ZNF334: variants seen among roughly 807,000 people sequenced by gnomAD.
The protein encoded by ZNF334 is zinc finger protein 334.
In ZNF334, 14 loss-of-function variants were observed where a neutral mutation model predicts 12.4. That is an observed-to-expected ratio of 1.13 (90% CI 0.74 to 1.76). The LOEUF is 1.76. Ranked by LOEUF, ZNF334 falls within the 40% of genes most tolerant of loss-of-function variation. The pLI is 0.00. For missense variants in ZNF334, 797 were observed against 804.5 expected (o/e 0.99, Z 0.11); for synonymous variants, 273 against 269.6 (o/e 1.01, Z -0.12).
At position 46,501,385 on chromosome 20, in the gene ZNF334, CTGTG is replaced by C. The variant is rs750194656; in HGVS notation, c.1950_1953del (p.His650GlnfsTer53). The C allele has an allele frequency of 1.8e-4, 294 of 1,614,122 alleles. 1 individual carries two copies. In the South Asian group the frequency reaches 1.8e-3, roughly 10 times the overall value. ...TTGTTACATTCATAAGGTTTCTCTC[CTGTG>C]TGTATTTTCTGATGTTCAGTGAGAG... On this transcript the variant is annotated frameshift_variant, in exon 5 of 5. Transcript: ENST00000692313. LOFTEE classifies it low-confidence loss of function (END_TRUNC).
chr20:46,483,079 T>A, the ZNF334 span, among the ~76,000 whole-genome samples: 1 of 152,186 alleles, frequency 6.6e-6, no homozygotes, highest in Non-Finnish European at 1.5e-5. Context: ...CACAAATCAG[T>A]GTGATTGATG....
the ZNF334 span, among the ~76,000 whole-genome samples, chr20:46,488,419 T>TTTTATATATATATA: frequency 9.8e-6 from 1 of 102,238 alleles, no homozygotes. Context: ...AGCTCTTATT[T>TTTTATATATATATA]TATATATATA....
the ZNF334 span, among the ~76,000 whole-genome samples, chr20:46,475,778 A>G: frequency 5.9e-5 from 9 of 152,204 alleles, no homozygotes; most frequent in Non-Finnish European, 1.3e-4. Context: ...ACACCACTAC[A>G]TGCTGGCCAG....
chr20:46,499,301 A>G (rs945685831), downstream of ZNF334, among the ~76,000 whole-genome samples: 2 of 151,988 alleles, frequency 1.3e-5, no homozygotes, highest in Non-Finnish European at 2.9e-5. Context: ...AGCCCTGCCA[A>G]CACCCCAACC....
chr20:46,509,307 G>C (rs979156304), intron 2 of ZNF334, among the ~76,000 whole-genome samples: 1 of 152,152 alleles, frequency 6.6e-6, no homozygotes, highest in Non-Finnish European at 1.5e-5. Flanking sequence ...CTAGAAAACA[G>C]ATCCTAAGGC....
the ZNF334 span, among the ~76,000 whole-genome samples, chr20:46,469,404 T>G: frequency 1.3e-5 from 2 of 150,256 alleles, no homozygotes; most frequent in Non-Finnish European, 3.0e-5. Flanking sequence ...AGTCTCGCTC[T>G]GTCGCCCAGG....
downstream of ZNF334, among the ~76,000 whole-genome samples, chr20:46,497,009 G>GT (rs2061036034): frequency 6.6e-6 from 1 of 152,186 alleles, no homozygotes; most frequent in Non-Finnish European, 1.5e-5. Flanking sequence ...CAGCCTTCCC[G>GT]TAATAGCCTG....
the ZNF334 span, among the ~76,000 whole-genome samples, chr20:46,465,689 C>T: frequency 6.6e-6 from 1 of 151,948 alleles, no homozygotes; most frequent in African/African-American, 2.4e-5. Flanking sequence ...CGTGCCACTG[C>T]ACTCCAGCCT....
the ZNF334 span, among the ~76,000 whole-genome samples, chr20:46,468,593 C>T: frequency 6.6e-6 from 1 of 152,094 alleles, no homozygotes; most frequent in Non-Finnish European, 1.5e-5. Flanking sequence ...CCTATACCCA[C>T]TTTTAAATAT....
At chr20:46,504,866 G>T in intron 2 of ZNF334, 126 bp from the exon 3 acceptor site, 1 of 777,810 alleles carries the variant, frequency 1.3e-6, no homozygotes, top group Non-Finnish European at 1.9e-6. Context: ...TTGTGGGAGG[G>T]CAGAAAATTA....
At chr20:46,468,172 G>A in the ZNF334 span, among the ~76,000 whole-genome samples, 130 of 152,308 alleles carry the variant, frequency 8.5e-4, no homozygotes, top group African/African-American at 1.9e-3. Flanking sequence ...CTGAGGCGGC[G>A]GTGCACGACA....
chr20:46,469,083 C>CT, the ZNF334 span, among the ~76,000 whole-genome samples: 7 of 152,068 alleles, frequency 4.6e-5, no homozygotes, highest in African/African-American at 9.7e-5. Context: ...TAATATTTTA[C>CT]TTTTTTTATC....
chr20:46,502,796 G>A lies in ZNF334; in HGVS notation c.543C>T (p.Tyr181=), dbSNP rs1163418915. 1.2e-6 allele frequency: 2 copies of A among 1,613,706 alleles called. No individual in the cohort carries two copies. The highest frequency in any genetic ancestry group is 2.7e-5 in the African/African-American group (2 of 74,924). Residue 181 remains tyrosine (Y), a synonymous_variant, in exon 5 of 5, where the codon TAC becomes TAT. Coordinates refer to ENST00000692313, the MANE Select transcript of ZNF334 (RefSeq NM_001353824.2). Reference sequence around the variant, plus strand: ...TGGCTTTCCTCATTGGATTGTATCTGTATTTTTTCATTCCCAAATGACTTT... The same window carrying A: ...TGGCTTTCCTCATTGGATTGTATCTATATTTTTTCATTCCCAAATGACTTT... ...HEKSHLGMKK[Y]RYNPMRKASN...
chr20:46,494,631 A>C (rs537114295), downstream of ZNF334, among the ~76,000 whole-genome samples: 1 of 152,348 alleles, frequency 6.6e-6, no homozygotes, highest in East Asian at 1.9e-4. Flanking sequence ...AAAATTATAC[A>C]TGGGACCTGT....
chr20:46,481,500 A>G, the ZNF334 span: 1 of 152,260 alleles, frequency 6.6e-6, no homozygotes, highest in Non-Finnish European at 1.5e-5. Flanking sequence ...TCTTCTAGGC[A>G]TGAATTTGTT....
At chr20:46,474,945 G>C in the ZNF334 span, among the ~76,000 whole-genome samples, 2 of 152,268 alleles carry the variant, frequency 1.3e-5, no homozygotes, top group Admixed American at 1.3e-4. Context: ...GGGGTGAAGG[G>C]ACAGAAAGGA....
the ZNF334 span, among the ~76,000 whole-genome samples, chr20:46,472,077 G>A: frequency 6.6e-6 from 1 of 152,100 alleles, no homozygotes; most frequent in East Asian, 1.9e-4. Flanking sequence ...ATTTATTTAG[G>A]TCTTCAGTTT....
At chr20:46,495,829 G>A (rs1440546779), downstream of ZNF334, among the ~76,000 whole-genome samples, 1 of 152,096 alleles carries the variant, frequency 6.6e-6, no homozygotes, top group African/African-American at 2.4e-5. Flanking sequence ...TCTGATCATA[G>A]GCCACTGTAG....
chr20:46,463,981 G>A, the ZNF334 span: 1 of 614,890 alleles, frequency 1.6e-6, no homozygotes, highest in Non-Finnish European at 3.2e-6. Context: ...GTCCCCATCT[G>A]CCAAAAGCAT....
Sources: gnomAD v4.1 joint callset for allele counts (sites outside exome capture counted in the v4.1 genomes callset) on GRCh38, gnomAD v4.1.1 for gene constraint, MANE v1.5 for transcripts, NCBI Gene and HGNC (gene_info 2026-07-23, HGNC 2026-07-21) for gene names.